Variants in SCAP observed in about 807,000 individuals in gnomAD.
The protein encoded by SCAP is sterol regulatory element-binding protein cleavage-activating protein.
In SCAP, 65 loss-of-function variants were observed where a neutral mutation model predicts 123.6. The observed-to-expected ratio is 0.53, with a 90% confidence interval of 0.43 to 0.65. The LOEUF is 0.65. SCAP is among the 30% of genes least tolerant of loss of function. The pLI, the probability that SCAP is intolerant of heterozygous loss-of-function variation, is 0.00. For missense variants in SCAP, 1,398 were observed against 1,712.5 expected (o/e 0.82, Z 3.24); for synonymous variants, 740 against 726.3 (o/e 1.02, Z -0.30).
chr3:47,466,761 A>G (rs1173570168), intron 1 of SCAP, among the ~76,000 whole-genome samples: 1 of 152,200 alleles, frequency 6.6e-6, no homozygotes, highest in Non-Finnish European at 1.5e-5. Flanking sequence ...CAACAAAAGA[A>G]AAAAATTGAT....
chr3:47,418,981 G>A (rs1705773335), intron 13 of SCAP, 138 bp from the exon 14 acceptor site: 2 of 998,072 alleles, frequency 2.0e-6, no homozygotes, highest in African/African-American at 1.6e-5. Context: ...GGGGGGTTGG[G>A]GACAGAGGTA....
Position 47,418,804 on chromosome 3 carries a change from G to T in SCAP, c.1980C>A (p.Arg660=). 1 of 1,546,372 alleles carries T rather than the reference G, an allele frequency of 6.5e-7. No individual in the cohort carries two copies. Residue 660 remains arginine, a synonymous_variant, in exon 14 of 23, where the codon CGC becomes CGA. Transcript: ENST00000265565. ...SLLPVIPVTL[R]LNPREALEGR... Reference sequence around the variant, plus strand: ...CCTCCAGAGCCTCCCTCGGGTTCAGGCGGAGCGTGACTGGGATGACGGGCA... The same window carrying T: ...CCTCCAGAGCCTCCCTCGGGTTCAGTCGGAGCGTGACTGGGATGACGGGCA...
chr3:47,428,248 G>A (rs1559548500), intron 4 of SCAP, among the ~76,000 whole-genome samples: 1 of 152,108 alleles, frequency 6.6e-6, no homozygotes, highest in Non-Finnish European at 1.5e-5. Flanking sequence ...TGGGTCATGA[G>A]TTAGCACAGT....
At position 47,419,311 on chromosome 3, in the gene SCAP, G is replaced by A. The variant is rs761062264; in HGVS notation, c.1940+17C>T. The A allele has an allele frequency of 3.0e-5, 47 of 1,590,940 alleles. 1 individual carries two copies. In the Admixed American group the frequency reaches 7.8e-4, roughly 26 times the overall value. ...GACACCATCGAGTGAGGTGGCACCT[G>A]GCACGGCCCAGCTCACCTCTTGGCC... On this transcript the variant is annotated intron_variant, in intron 13 of 22. Coordinates refer to ENST00000265565, the MANE Select transcript of SCAP (RefSeq NM_012235.4). This position sits in a 1 kb window ranked among gnomAD's most constrained non-coding sequence, Gnocchi z 5.0.
At chr3:47,442,787 C>A in intron 2 of SCAP, 85 bp downstream of exon 2, 1 of 1,257,488 alleles carries the variant, frequency 8.0e-7, no homozygotes. Context: ...CATACAGAGG[C>A]CAAGGGCTCC....
At chr3:47,430,802 C>A (rs1706327802) in intron 3 of SCAP, among the ~76,000 whole-genome samples, 1 of 152,158 alleles carries the variant, frequency 6.6e-6, no homozygotes, top group South Asian at 2.1e-4. Flanking sequence ...CCCAGCCCAG[C>A]TGAGGGATGA....
chr3:47,418,866 C>T, intron 13 of SCAP, 23 bp from the exon 14 acceptor site: 1 of 1,500,150 alleles, frequency 6.7e-7, no homozygotes, highest in Non-Finnish European at 8.9e-7. Context: ...AGTGGGCAGC[C>T]TCAGCGGGGG....
At position 47,417,744 on chromosome 3, in the gene SCAP, C is replaced by G; in HGVS notation, c.2530G>C (p.Gly844Arg). The part of the protein sequence containing the change: ...WERLSDGGKA[G>R]PEEPGDSPPL... ...GGGCTGTCCCCAGGCTCCTCTGGACCAGCCTTCCCACCATCTGAAAGTCGT... is the reference window on the plus strand; with the variant it reads ...GGGCTGTCCCCAGGCTCCTCTGGACGAGCCTTCCCACCATCTGAAAGTCGT... Residue 844 changes from glycine (G) to arginine (R), a missense_variant, in exon 17 of 23, where the codon GGT becomes CGT. Around this residue, in one of 7 missense-constraint regions of SCAP, gnomAD observed 828 missense variants for 882.5 expected, o/e 0.94. Coordinates refer to ENST00000265565, the MANE Select transcript of SCAP (RefSeq NM_012235.4). 1 of 1,607,220 alleles carries G rather than the reference C, an allele frequency of 6.2e-7. No homozygotes were observed.
At position 47,418,636 on chromosome 3, in the gene SCAP, C is replaced by A; in HGVS notation, c.2129+19G>T. 2 of 1,582,888 alleles carry A rather than the reference C, an allele frequency of 1.3e-6. No individual in the cohort carries two copies. The highest frequency in any genetic ancestry group is 1.1e-5 in the South Asian group (1 of 88,114). On this transcript the variant is annotated intron_variant, in intron 14 of 22. Coordinates refer to ENST00000265565, the MANE Select transcript of SCAP (RefSeq NM_012235.4). ...CCTCCCCGCACTCTTTCCCACCCCA[C>A]CCCACCCAGCAGCCTTACTTGTACA...
At position 47,413,836 on chromosome 3, in the gene SCAP, G is replaced by A; in HGVS notation, c.*18C>T. 1 of 1,606,136 alleles carries A rather than the reference G, an allele frequency of 6.2e-7. No individual in the cohort carries two copies. On this transcript the variant is annotated 3_prime_UTR_variant, in exon 23 of 23. Coordinates refer to ENST00000265565, the MANE Select transcript of SCAP (RefSeq NM_012235.4). ...ACACAGCACCCCAGCCTCCTGCCTG[G>A]GCAAGGAGGCCCTGCGCTCAGTCCA...
At chr3:47,414,744 T>C (rs1290767716) in intron 20 of SCAP, 83 bp downstream of exon 20, 2 of 1,606,932 alleles carry the variant, frequency 1.2e-6, no homozygotes, top group Admixed American at 1.7e-5. Flanking sequence ...ATCAGGACTC[T>C]TCCAGCCTCT....
Position 47,417,708 on chromosome 3 carries a change from G to A in SCAP, c.2566C>T (p.His856Tyr), listed in dbSNP as rs566686755. The A allele has an allele frequency of 5.0e-6, 8 of 1,608,654 alleles. No individual in the cohort carries two copies. In the African/African-American group the frequency reaches 1.1e-4, roughly 22 times the overall value. Residue 856 changes from histidine (H) to tyrosine (Y), a missense_variant, in exon 17 of 23, where the codon CAC (histidine) becomes TAC (tyrosine). His to Tyr is a moderately conservative substitution (Grantham distance 83). Coordinates refer to ENST00000265565, the MANE Select transcript of SCAP (RefSeq NM_012235.4). Reference protein sequence around the residue: ...EEPGDSPPLRHRPRGPPPPSL... With the variant: ...EEPGDSPPLRYRPRGPPPPSL... ...GGCGGCGGAGGGCCCCGGGGGCGGT[G>A]TCTCAGGGGAGGGCTGTCCCCAGGC...
At position 47,414,607 on chromosome 3, in the gene SCAP, G is replaced by T; in HGVS notation, c.3352C>A (p.His1118Asn). Residue 1118 changes from histidine (H) to asparagine (N), a missense_variant, in exon 21 of 23, where the codon CAC (histidine) becomes AAC (asparagine). By Grantham distance (68) the His-to-Asn change is moderately conservative. Coordinates refer to ENST00000265565, the MANE Select transcript of SCAP (RefSeq NM_012235.4). ...TACACGGTCGTGATGGCCCCTGAGT[G>T]GCCCTGAAGGGTGAAGAGGCAGCAC... ...DSCCLFTLQGHSGAITTVYID... is the reference protein window; with the variant it reads ...DSCCLFTLQGNSGAITTVYID... The T allele has an allele frequency of 1.2e-6, 2 of 1,613,400 alleles. No homozygotes were observed. The highest frequency in any genetic ancestry group is 1.7e-6 in the Non-Finnish European group (2 of 1,180,014).
chr3:47,438,941 T>C (rs1401677704), intron 2 of SCAP, among the ~76,000 whole-genome samples: 1 of 152,132 alleles, frequency 6.6e-6, no homozygotes, highest in Non-Finnish European at 1.5e-5. Flanking sequence ...GCTTTCTGGC[T>C]GTGAAGGTAG....
intron 3 of SCAP, 179 bp downstream of exon 3, chr3:47,434,829 C>T: frequency 1.4e-6 from 1 of 690,688 alleles, no homozygotes; most frequent in Non-Finnish European, 2.3e-6. Context: ...AGGAGCAAAA[C>T]TCCATCTCAA....
intron 2 of SCAP, among the ~76,000 whole-genome samples, chr3:47,436,145 A>C (rs1706569494): frequency 6.6e-6 from 1 of 152,174 alleles, no homozygotes; most frequent in South Asian, 2.1e-4. Context: ...AACAATAAAA[A>C]ACAAAAGTGG....
intron 1 of SCAP, among the ~76,000 whole-genome samples, chr3:47,460,260 C>T (rs989638354): frequency 1.3e-5 from 2 of 151,662 alleles, no homozygotes; most frequent in East Asian, 3.9e-4. Context: ...CCTCAGCTTA[C>T]GAAGATAACA....
At chr3:47,455,081 ATATATATATATAT>A (rs1707368708) in intron 1 of SCAP, among the ~76,000 whole-genome samples, 1 of 147,068 alleles carries the variant, frequency 6.8e-6, no homozygotes, top group African/African-American at 2.5e-5. Context: ...ATATATATAT[ATATATATATATAT>A]AATCAACTGA....
rs1348401431 is a variant in SCAP, at chr3:47,415,245, T to C, written c.3057-65A>G. On this transcript the variant is annotated intron_variant, in intron 18 of 22. Transcript: ENST00000265565. ...AGCCCCAGCCCTGGGGCTGAGCATG[T>C]GGACATGAGAGTTAAGGGCCAGTTC... 13 of 1,461,522 alleles carry C rather than the reference T, an allele frequency of 8.9e-6. No individual in the cohort carries two copies. In the African/African-American group the frequency reaches 1.8e-4, roughly 21 times the overall value. The allele number at this position is 1,461,522 out of a possible 1,614,324, so 90.5% of individuals were successfully genotyped here. A position where few individuals can be genotyped will look rare whatever the true frequency, so the allele number is the denominator to read the frequency against.
Sources: allele counts gnomAD v4.1 joint callset (sites outside exome capture counted in the v4.1 genomes callset), GRCh38; gene constraint gnomAD v4.1.1; regional missense constraint gnomAD v4.1.1; non-coding constraint Gnocchi (gnomAD v3.1); transcripts MANE v1.5; gene names NCBI Gene and HGNC (gene_info 2026-07-23, HGNC 2026-07-21).